The following COL5A1 variants were observed in gnomAD, a reference collection of about 807,000 sequenced individuals.
The protein encoded by COL5A1 is collagen type V alpha 1 chain, also known as collagen alpha-1(V) chain.
COL5A1 carries 16 observed loss-of-function variants against 263.7 expected under a neutral mutation model. The ratio of observed to expected loss-of-function variants is 0.06; its 90% confidence interval spans 0.04 to 0.09. The LOEUF is 0.09. COL5A1 is among the 10% of genes least tolerant of loss of function. The pLI, the probability that COL5A1 is intolerant of heterozygous loss-of-function variation, is 1.00. For synonymous variants in COL5A1, 1,012 were observed against 1,004.5 expected, an observed-to-expected ratio of 1.01 and a Z score of -0.14; for missense variants, 2,036 against 2,540.5, an observed-to-expected ratio of 0.80 and a Z score of 4.27.
chr9:134,822,130 C>T lies in COL5A1; in HGVS notation c.4588C>T (p.Pro1530Ser). The change falls in exon 59 of 66, where the codon CCT (proline) becomes TCT (serine). Residue 1530 changes from proline (P) to serine (S), a missense_variant. Coordinates refer to ENST00000371817, the MANE Select transcript of COL5A1 (RefSeq NM_000093.5). Reference protein sequence around the residue: ...ITGPSGPIGPPGPPGLPGPPG... With the variant: ...ITGPSGPIGPSGPPGLPGPPG... Reference sequence around the variant, plus strand: ...TGGTCCTTCTGGCCCGATTGGGCCTCCTGGGCCCCCTGGCCTGCCGGTGTG... The same window carrying T: ...TGGTCCTTCTGGCCCGATTGGGCCTTCTGGGCCCCCTGGCCTGCCGGTGTG... 1.2e-6 allele frequency: 2 copies of T among 1,613,734 alleles called. No homozygotes were observed. Among genetic ancestry groups the T allele is most frequent in the Non-Finnish European group, 1.7e-6 (2 of 1,179,792 alleles).
At chr9:134,764,806 A>G (rs1041665492) in intron 20 of COL5A1, among the ~76,000 whole-genome samples, 3 of 152,160 alleles carry the variant, frequency 2.0e-5, no homozygotes, top group Non-Finnish European at 4.4e-5. Context: ...TCCTTAACAC[A>G]TGTCCAAGTA....
At position 134,699,993 on chromosome 9, in the gene COL5A1, A is replaced by G. The variant is rs374822480; in HGVS notation, c.362A>G (p.Asn121Ser). The change falls in exon 3 of 66, where the codon AAC (asparagine) becomes AGC (serine). Residue 121 changes from asparagine to serine, a missense_variant. Coordinates refer to ENST00000371817, the MANE Select transcript of COL5A1 (RefSeq NM_000093.5). ...GSQAFLVSIY[N>S]EQGIQQIGLE... is the part of the protein sequence containing the mutation. ...CAGGCCTTCCTGGTCTCCATCTACA[A>G]CGAGCAGGGTATCCAGCAGATTGGG... is the stretch of plus-strand genomic sequence containing the variant. The G allele has an allele frequency of 3.1e-6, 5 of 1,613,842 alleles. No individual in the cohort carries two copies. The South Asian group carries it at 5.5e-5, about 18-fold the overall frequency.
At chr9:134,780,265 G>A (rs909907732) in intron 28 of COL5A1, 119 bp downstream of exon 28, 2 of 954,662 alleles carry the variant, frequency 2.1e-6, no homozygotes, top group Non-Finnish European at 3.4e-6. Context: ...TCGCCTCTGA[G>A]TACTGAGGGG....
chr9:134,691,088 C>G lies in COL5A1; in HGVS notation c.277+9C>G. ...CAAGCAGCTGTACCCTGGTAAGTGC[C>G]GCACCCTTCTGTTTGGGGCGGTGGG... is the stretch of plus-strand genomic sequence containing the variant. On this transcript the variant is annotated intron_variant, in intron 2 of 65. Coordinates refer to ENST00000371817, the MANE Select transcript of COL5A1 (RefSeq NM_000093.5). 1 of 1,612,594 alleles carries G rather than the reference C, an allele frequency of 6.2e-7. No homozygotes were observed. The highest frequency in any genetic ancestry group is 1.3e-5 in the African/African-American group (1 of 75,050).
chr9:134,833,935 C>G (rs758022085), intron 64 of COL5A1, among the ~76,000 whole-genome samples: 1 of 152,172 alleles, frequency 6.6e-6, no homozygotes, highest in Non-Finnish European at 1.5e-5. Context: ...CCTAAGCCAG[C>G]CCTAGAGGCT....
chr9:134,800,510 C>T (rs1295391259), intron 37 of COL5A1, among the ~76,000 whole-genome samples: 5 of 152,054 alleles, frequency 3.3e-5, no homozygotes, highest in East Asian at 1.9e-4. Context: ...TTTGGGAGGC[C>T]GAGATGGGCG....
At position 134,642,425 on chromosome 9, in the gene COL5A1, C is replaced by G. The variant is rs1323551976; in HGVS notation, c.109+129C>G. 1.9e-5 allele frequency: 4 copies of G among 206,108 alleles called. No homozygotes were observed. The East Asian group carries it at 5.1e-4, about 26-fold the overall frequency. 12.8% of individuals were successfully genotyped at this position (206,108 alleles called of 1,614,324 possible). On this transcript the variant is annotated intron_variant, in intron 1 of 65. Transcript: ENST00000371817. The surrounding 1 kb of genome is among the most constrained non-coding windows in gnomAD (Gnocchi z 4.5). ...CTGTGGAATGCACGGGCCAAGACCA[C>G]GAATGCCATTTGCTGGGGGCCCCCC...
chr9:134,733,995 T>C (rs887837755), intron 9 of COL5A1, among the ~76,000 whole-genome samples: 1 of 152,068 alleles, frequency 6.6e-6, no homozygotes, highest in African/African-American at 2.4e-5. Context: ...CCCAGTTCGG[T>C]TTCCCCTCCC....
At chr9:134,803,791 C>T (rs955049397) in intron 39 of COL5A1, among the ~76,000 whole-genome samples, 12 of 151,822 alleles carry the variant, frequency 7.9e-5, no homozygotes, top group Middle Eastern at 3.4e-3. Flanking sequence ...TGCAGTGAGC[C>T]GAGATCGCGC....
At position 134,647,901 on chromosome 9, in the gene COL5A1, C is replaced by T. The variant is rs537554359; in HGVS notation, c.109+5605C>T. ...TCGATCCTGCAGGCGGAGCCCACAG[C>T]GGCCCTTGTGGTGGTTACTACTGAG... On this transcript the variant is annotated intron_variant, in intron 1 of 65. Transcript: ENST00000371817. This position sits in a 1 kb window ranked among gnomAD's most constrained non-coding sequence, Gnocchi z 5.0. 1.1e-4 allele frequency among the ~76,000 whole-genome samples: 16 copies of T among 152,308 alleles called. No individual in the cohort carries two copies. The highest frequency in any genetic ancestry group is 8.8e-5 in the Non-Finnish European group (6 of 68,032).
intron 61 of COL5A1, among the ~76,000 whole-genome samples, chr9:134,823,946 A>G (rs1839138648): frequency 6.6e-6 from 1 of 151,926 alleles, no homozygotes; most frequent in Admixed American, 6.6e-5. Flanking sequence ...TGTATATTGT[A>G]TACGTGCATG....
chr9:134,717,909 T>G (rs1834328259), intron 4 of COL5A1, among the ~76,000 whole-genome samples: 3 of 150,188 alleles, frequency 2.0e-5, no homozygotes, highest in African/African-American at 4.9e-5. Context: ...AACCCAGGGA[T>G]GGGGGATGGG....
At position 134,822,050 on chromosome 9, in the gene COL5A1, T is replaced by C. The variant is rs760645999; in HGVS notation, c.4555-47T>C. The C allele has an allele frequency of 3.8e-6, 6 of 1,565,762 alleles. No homozygotes were observed. The East Asian group carries it at 1.3e-4, about 35-fold the overall frequency. On this transcript the variant is annotated intron_variant, in intron 58 of 65. Coordinates refer to ENST00000371817, the MANE Select transcript of COL5A1 (RefSeq NM_000093.5). ...GGTAGCAGGGTTGCAGCCCCGCAGC[T>C]CCTCCTCGTCTGAAGGTGATAACCT...
rs920954974 is a variant in COL5A1 at position 134,755,616 on chromosome 9, G to A, written c.1828-1149G>A. Among the ~76,000 whole-genome samples, 5 of 152,244 alleles carry A rather than the reference G, an allele frequency of 3.3e-5. No homozygotes were observed. The highest frequency in any genetic ancestry group is 4.8e-5 in the African/African-American group (2 of 41,468). ...TTGTAGAAGCATCTGGGTGCTTTGC[G>A]GGGCTGAGTTGTGCTGTGAAATCCT... On this transcript the variant is annotated intron_variant, in intron 16 of 65. Coordinates refer to ENST00000371817, the MANE Select transcript of COL5A1 (RefSeq NM_000093.5). This position sits in a 1 kb window ranked among gnomAD's most constrained non-coding sequence, Gnocchi z 4.1.
intron 52 of COL5A1, 79 bp from the exon 53 acceptor site, chr9:134,816,947 T>A (rs763451083): frequency 1.6e-5 from 21 of 1,315,450 alleles, no homozygotes; most frequent in Admixed American, 1.0e-4. Flanking sequence ...GTAAATAGAC[T>A]GAAATCGCCA....
At position 134,818,407 on chromosome 9, in the gene COL5A1, G is replaced by A. The variant is rs1838851073; in HGVS notation, c.4231-249G>A. On this transcript the variant is annotated intron_variant, in intron 54 of 65. Transcript: ENST00000371817. This position sits in a 1 kb window ranked among gnomAD's most constrained non-coding sequence, Gnocchi z 6.0. ...CCATCCCTGCTCGGGCAGTGGCGCT[G>A]TGACACCCGGTCTGTGGTCGGCGCA... Among the ~76,000 whole-genome samples, 2 of 152,212 alleles carry A rather than the reference G, an allele frequency of 1.3e-5. No homozygotes were observed. Among genetic ancestry groups the A allele is most frequent in the South Asian group, 4.1e-4 (2 of 4,832 alleles).
intron 18 of COL5A1, among the ~76,000 whole-genome samples, chr9:134,760,018 ACACACACC>A (rs1172739702): frequency 3.7e-5 from 4 of 107,966 alleles, no homozygotes; most frequent in East Asian, 3.4e-4. Context: ...ACACACATGC[ACACACACC>A]CACGCACACA....
At chr9:134,690,009 G>T (rs12555085) in intron 1 of COL5A1, among the ~76,000 whole-genome samples, 1 of 151,964 alleles carries the variant, frequency 6.6e-6, no homozygotes, top group African/African-American at 2.4e-5. Flanking sequence ...TGGGGTCCTC[G>T]TGGTGTGGGG....
In COL5A1 at chr9:134,765,872, C is replaced by T. The variant is rs1176413801; in HGVS notation, c.2088+138C>T. 9 of 692,130 alleles carry T rather than the reference C, an allele frequency of 1.3e-5. No homozygotes were observed. Among genetic ancestry groups the T allele is most frequent in the South Asian group, 5.4e-5 (3 of 55,206 alleles). The allele number at this position is 692,130 out of a possible 1,614,324, so 42.9% of individuals were successfully genotyped here. A position where few individuals can be genotyped will look rare whatever the true frequency, so the allele number is the denominator to read the frequency against. ...GCGCCTGCCTGCTGCCAGTGTGAGG[C>T]GTGAGCGGGACACTGATGTTCAGAC... On this transcript the variant is annotated intron_variant, in intron 21 of 65. Coordinates refer to ENST00000371817, the MANE Select transcript of COL5A1 (RefSeq NM_000093.5). The surrounding 1 kb of genome is among the most constrained non-coding windows in gnomAD (Gnocchi z 5.1).
Sources: allele counts gnomAD v4.1 joint callset (sites outside exome capture counted in the v4.1 genomes callset), GRCh38; gene constraint gnomAD v4.1.1; non-coding constraint Gnocchi (gnomAD v3.1); transcripts MANE v1.5; gene names NCBI Gene and HGNC (gene_info 2026-07-23, HGNC 2026-07-21).